The following KLF12 variants were observed in gnomAD, a reference collection of about 807,000 sequenced individuals.
The protein encoded by KLF12 is KLF transcription factor 12.
In KLF12, 9 loss-of-function variants were observed where a neutral mutation model predicts 37.8. The ratio of observed to expected loss-of-function variants is 0.24; its 90% CI spans 0.14 to 0.42. KLF12 has a LOEUF of 0.42. KLF12 is among the 10% of genes least tolerant of loss of function. KLF12 has a pLI of 1.00. For missense variants in KLF12, 411 were observed against 516.0 expected (o/e 0.80, Z 1.97); for synonymous variants, 208 against 202.1 (o/e 1.03, Z -0.25).
At chr13:73,705,205 T>TA (rs1566308232) in intron 7 of KLF12, among the ~76,000 whole-genome samples, 3 of 152,236 alleles carry the variant, frequency 2.0e-5, no homozygotes, top group Non-Finnish European at 2.9e-5. Flanking sequence ...ATATATCTCT[T>TA]ACAATTGTAT....
Position 73,995,047 on chromosome 13 carries a change from A to G in KLF12, c.-25T>C. On this transcript the variant is annotated 5_prime_UTR_variant, in exon 2 of 8. The change abolishes an upstream ATG in the 5' untranslated region. Transcript: ENST00000377669. ...TTCATCCATTTGTTCTTAGAGTCAC[A>G]TTGATCCTGCAAGAAAAACACAAAG... 6.3e-7 allele frequency: 1 copy of G among 1,599,676 alleles called. No individual in the cohort carries two copies. The highest frequency in any genetic ancestry group is 8.5e-7 in the Non-Finnish European group (1 of 1,171,678).
At chr13:73,761,960 C>T (rs1007560212) in intron 6 of KLF12, among the ~76,000 whole-genome samples, 1 of 152,194 alleles carries the variant, frequency 6.6e-6, no homozygotes, top group Non-Finnish European at 1.5e-5. Flanking sequence ...GTTCCTAGTG[C>T]ATGGTGGTAC....
At chr13:74,160,443 G>T in the KLF12 span, among the ~76,000 whole-genome samples, 3 of 152,194 alleles carry the variant, frequency 2.0e-5, no homozygotes, top group South Asian at 4.1e-4. Context: ...AGAGAGAAGA[G>T]AATAAGAAAA....
At position 74,030,937 on chromosome 13, in the gene KLF12, C is replaced by T. The variant is rs17061990; in HGVS notation, c.-31-35884G>A. Among the ~76,000 whole-genome samples, 1,124 of 152,152 alleles carry T rather than the reference C, an allele frequency of 7.4e-3. 13 individuals are homozygous for T. The highest frequency in any genetic ancestry group is 0.026 in the African/African-American group (1,060 of 41,538). On this transcript the variant is annotated intron_variant, in intron 1 of 7. Coordinates refer to ENST00000377669, the MANE Select transcript of KLF12 (RefSeq NM_007249.5). Reference sequence around the variant, plus strand: ...CTCTAATCCTAAACTTCATTTTGAACGGCTGCACTATACTGAAGATTATTA... The same window carrying T: ...CTCTAATCCTAAACTTCATTTTGAATGGCTGCACTATACTGAAGATTATTA...
intron 1 of KLF12, among the ~76,000 whole-genome samples, chr13:74,002,146 C>T (rs1188230132): frequency 6.6e-6 from 1 of 152,160 alleles, no homozygotes; most frequent in Non-Finnish European, 1.5e-5. Context: ...CTGAATTCAT[C>T]AACCCAAGTT....
At chr13:73,961,984 T>C in intron 2 of KLF12, 1 of 455,602 alleles carries the variant, frequency 2.2e-6, no homozygotes, top group Middle Eastern at 3.4e-4. Context: ...ACTGTCACTG[T>C]CTTTGGAATT....
intron 1 of KLF12, among the ~76,000 whole-genome samples, chr13:74,004,671 C>T (rs900996246): frequency 6.6e-6 from 1 of 152,098 alleles, no homozygotes; most frequent in African/African-American, 2.4e-5. Flanking sequence ...ATGACATAAA[C>T]TCAGATGCTT....
At chr13:73,883,666 T>C (rs1887085404) in intron 3 of KLF12, among the ~76,000 whole-genome samples, 1 of 152,176 alleles carries the variant, frequency 6.6e-6, no homozygotes, top group Non-Finnish European at 1.5e-5. Context: ...CAAAGATACA[T>C]CCATCTTTGC....
intron 3 of KLF12, among the ~76,000 whole-genome samples, chr13:73,893,393 T>TG (rs1491230763): frequency 9.9e-6 from 1 of 101,388 alleles, no homozygotes; most frequent in African/African-American, 3.5e-5. Flanking sequence ...TTTTTTTTTT[T>TG]GAGACAGAGC....
chr13:73,799,618 A>G (rs968446167), intron 5 of KLF12, among the ~76,000 whole-genome samples: 5 of 152,158 alleles, frequency 3.3e-5, no homozygotes, highest in African/African-American at 1.2e-4. Context: ...TGAAAAATTA[A>G]TATTTTCACC....
At chr13:74,157,568 G>A in the KLF12 span, among the ~76,000 whole-genome samples, 2 of 152,200 alleles carry the variant, frequency 1.3e-5, no homozygotes, top group African/African-American at 4.8e-5. Flanking sequence ...TAGAGTGAAA[G>A]AAGGGGAGCT....
intron 2 of KLF12, among the ~76,000 whole-genome samples, chr13:73,957,014 A>AGG: frequency 2.3e-5 from 3 of 128,454 alleles, no homozygotes; most frequent in Admixed American, 8.2e-5. Context: ...AGGAAAGGAA[A>AGG]AGAAAGGAAA....
intron 3 of KLF12, among the ~76,000 whole-genome samples, chr13:73,894,130 G>C (rs1429906213): frequency 1.3e-5 from 2 of 152,148 alleles, no homozygotes; most frequent in Non-Finnish European, 2.9e-5. Context: ...CCTTCCATTG[G>C]CTGAACCTAC....
At chr13:74,134,802 C>T (rs778636345), upstream of KLF12, among the ~76,000 whole-genome samples, 9 of 151,906 alleles carry the variant, frequency 5.9e-5, no homozygotes, top group Non-Finnish European at 1.2e-4. Context: ...TTCGGGGACC[C>T]AAAAAGCGTG....
intron 3 of KLF12, among the ~76,000 whole-genome samples, chr13:73,853,378 ATG>A (rs1488878797): frequency 6.6e-6 from 1 of 152,196 alleles, no homozygotes; most frequent in African/African-American, 2.4e-5. Context: ...GGTTTGGCCC[ATG>A]TGTGTGATGA....
chr13:73,957,054 AG>A lies in KLF12; in HGVS notation c.34-12985del, dbSNP rs772192029. ...AGGAAAGGAAAGGAAAGGAAAGGAA[AG>A]GAAAGGAAAGGAAAGGAAAGGAAAG... is the stretch of plus-strand genomic sequence containing the variant. On this transcript the variant is annotated intron_variant, in intron 2 of 7. Transcript: ENST00000377669. 7.0e-3 allele frequency among the ~76,000 whole-genome samples: 417 copies of A among 59,250 alleles called. 1 individual carries two copies. The highest frequency in any genetic ancestry group is 0.043 in the East Asian group (24 of 564). 38.9% of individuals were successfully genotyped at this position (59,250 alleles called of 152,430 possible). A position where few individuals can be genotyped will look rare whatever the true frequency, so the allele number is the denominator to read the frequency against.
chr13:73,703,809 T>C (rs1037212720), intron 7 of KLF12, among the ~76,000 whole-genome samples: 3 of 152,130 alleles, frequency 2.0e-5, no homozygotes, highest in Admixed American at 2.0e-4. Flanking sequence ...ACATTTTAAA[T>C]TAGTGCTGTC....
Position 73,739,374 on chromosome 13 carries a change from A to T in KLF12, c.870-23849T>A, listed in dbSNP as rs1877785912. Among the ~76,000 whole-genome samples the T allele has an allele frequency of 2.0e-5, 3 of 152,268 alleles. No homozygotes were observed. In the South Asian group the frequency reaches 6.2e-4, roughly 32 times the overall value. On this transcript the variant is annotated intron_variant, in intron 6 of 7. Coordinates refer to ENST00000377669, the MANE Select transcript of KLF12 (RefSeq NM_007249.5). ...AAATACCTTAACAAATGTTTTCTTA[A>T]TAAATGATTTCTCACTGTTCCCCAA... is the stretch of plus-strand genomic sequence containing the variant.
chr13:73,790,245 A>T (rs1881608647), intron 5 of KLF12, among the ~76,000 whole-genome samples: 1 of 152,250 alleles, frequency 6.6e-6, no homozygotes, highest in Non-Finnish European at 1.5e-5. Context: ...TGACTTTTAT[A>T]GCTAATCCTT....
Sources: allele counts gnomAD v4.1 joint callset (sites outside exome capture counted in the v4.1 genomes callset), GRCh38; gene constraint gnomAD v4.1.1; transcripts MANE v1.5; gene names NCBI Gene and HGNC (gene_info 2026-07-23, HGNC 2026-07-21).